The following CCDC38 variants were observed in gnomAD, a reference collection of about 807,000 sequenced individuals.
CCDC38 encodes coiled-coil domain containing 38.
Under a neutral mutation model 72.8 loss-of-function variants are expected in CCDC38, and 69 were observed. That is an observed-to-expected ratio of 0.95 (90% CI 0.78 to 1.16). CCDC38 has a LOEUF of 1.16. CCDC38 is among the 50% of genes most tolerant of loss of function. CCDC38 has a pLI of 0.00. For missense variants in CCDC38, 626 were observed against 638.9 expected (o/e 0.98, Z 0.22); for synonymous variants, 201 against 213.2 (o/e 0.94, Z 0.50).
chr12:95,934,525 G>C (rs1013870980), intron 2 of CCDC38: 12 of 151,932 alleles, frequency 7.9e-5, no homozygotes, highest in Admixed American at 7.9e-4. Flanking sequence ...TTATGAGTTT[G>C]CAAGTAGAGG....
chr12:95,916,340 C>G (rs1318541718), intron 4 of CCDC38, among the ~76,000 whole-genome samples: 7 of 150,446 alleles, frequency 4.7e-5, no homozygotes, highest in Non-Finnish European at 1.0e-4. Context: ...AGTGCATGGG[C>G]TTTGGGATCC....
chr12:95,881,297 T>G lies in CCDC38; in HGVS notation c.990+188A>C, dbSNP rs549261893. Among the ~76,000 whole-genome samples, 4 of 150,058 alleles carry G rather than the reference T, an allele frequency of 2.7e-5. No homozygotes were observed. The South Asian group carries it at 8.4e-4, about 31-fold the overall frequency. On this transcript the variant is annotated intron_variant, in intron 11 of 15. Coordinates refer to ENST00000344280, the MANE Select transcript of CCDC38 (RefSeq NM_182496.3). ...ATCATTACCTTCTTCTAGATACTTA[T>G]TTGTTATAAAATGTCTTATGACAAA...
In CCDC38 at chr12:95,917,220, G is replaced by A. The variant is rs1184419589; in HGVS notation, c.213C>T (p.Tyr71=). 1 of 1,610,318 alleles carries A rather than the reference G, an allele frequency of 6.2e-7. No homozygotes were observed. Among genetic ancestry groups the A allele is most frequent in the East Asian group, 2.2e-5 (1 of 44,550 alleles). The change falls in exon 4 of 16, where the codon TAC becomes TAT. Residue 71 remains tyrosine (Y), a synonymous_variant. Coordinates refer to ENST00000344280, the MANE Select transcript of CCDC38 (RefSeq NM_182496.3). ...TFSSRMKSHS[Y]LSQLAFYPKR... is the part of the protein sequence containing the mutation. The stretch of plus-strand genomic sequence containing the variant: ...TAGGGTAGAAAGCTAGTTGGCTCAG[G>A]TATGAATGACTCTTCATTCTGGATG...
chr12:95,929,395 G>A (rs547586129), intron 2 of CCDC38, among the ~76,000 whole-genome samples: 11 of 152,080 alleles, frequency 7.2e-5, no homozygotes, highest in South Asian at 6.2e-4. Context: ...GCCCTGCTTC[G>A]GCTCATGCAC....
At chr12:95,887,863 T>G (rs2079777750) in intron 10 of CCDC38, among the ~76,000 whole-genome samples, 2 of 152,096 alleles carry the variant, frequency 1.3e-5, no homozygotes, top group African/African-American at 4.8e-5. Context: ...GCCACAGAAG[T>G]GGGTGTCTAG....
chr12:95,923,698 C>T lies in CCDC38; in HGVS notation c.38-4722G>A, dbSNP rs377150094. On this transcript the variant is annotated intron_variant, in intron 2 of 15. Transcript: ENST00000344280. The stretch of plus-strand genomic sequence containing the variant: ...CCAATGCTATCCCTCCCCACTCCCC[C>T]CACTCCACAACAGTCCCCAGAGTGT... Among the ~76,000 whole-genome samples, 70 of 152,152 alleles carry T rather than the reference C, an allele frequency of 4.6e-4. 1 individual carries two copies. The South Asian group carries it at 0.012, about 27-fold the overall frequency.
chr12:95,920,475 C>G (rs139382184), intron 2 of CCDC38, among the ~76,000 whole-genome samples: 2 of 152,052 alleles, frequency 1.3e-5, no homozygotes. Flanking sequence ...AACTGATTAA[C>G]GATAAACAAA....
intron 1 of CCDC38, among the ~76,000 whole-genome samples, chr12:95,939,015 G>A (rs2080421958): frequency 6.6e-6 from 1 of 152,200 alleles, no homozygotes; most frequent in African/African-American, 2.4e-5. Flanking sequence ...TAAGCTAAAT[G>A]ATTAAGAACA....
chr12:95,900,935 T>C (rs747653987), intron 5 of CCDC38, among the ~76,000 whole-genome samples: 1 of 152,142 alleles, frequency 6.6e-6, no homozygotes, highest in African/African-American at 2.4e-5. Flanking sequence ...GAAAGAGTGA[T>C]AGGAGTGAGG....
intron 11 of CCDC38, among the ~76,000 whole-genome samples, chr12:95,880,668 G>C (rs2079690295): frequency 6.6e-6 from 1 of 150,878 alleles, no homozygotes. Flanking sequence ...AAAAAAAAAG[G>C]AAACAAATCC....
chr12:95,927,565 A>T (rs1258321160), intron 2 of CCDC38, among the ~76,000 whole-genome samples: 2 of 152,068 alleles, frequency 1.3e-5, no homozygotes, highest in Admixed American at 6.6e-5. Context: ...TTATGTGTGA[A>T]TTTGATCCTG....
In CCDC38 at chr12:95,934,983, G is replaced by GGGTGACAGAGAAGCTGTCT. The variant is rs573140394; in HGVS notation, c.37+1471_37+1489dup. On this transcript the variant is annotated intron_variant, in intron 2 of 15. Transcript: ENST00000344280. ...AGATGGTGCCACTGCACTTCAGCTT[G>GGGTGACAGAGAAGCTGTCT]GGTGACAGAGAAGCTGTCTGTCTAG... The GGGTGACAGAGAAGCTGTCT allele has an allele frequency of 2.0e-5, 3 of 152,280 alleles. No individual in the cohort carries two copies. The South Asian group carries it at 6.2e-4, about 32-fold the overall frequency. The allele number at this position is 152,280 out of a possible 1,614,324, so 9.4% of individuals were successfully genotyped here. A position where few individuals can be genotyped will look rare whatever the true frequency, so the allele number is the denominator to read the frequency against.
chr12:95,909,601 AAG>A (rs1342187634), intron 4 of CCDC38, among the ~76,000 whole-genome samples: 1 of 152,176 alleles, frequency 6.6e-6, no homozygotes, highest in African/African-American at 2.4e-5. Flanking sequence ...CACAACAAAA[AAG>A]AAAACTACAG....
intron 8 of CCDC38, among the ~76,000 whole-genome samples, chr12:95,891,314 A>G (rs2079824330): frequency 6.6e-6 from 1 of 152,110 alleles, no homozygotes; most frequent in South Asian, 2.1e-4. Context: ...AACATTCTCT[A>G]TTTGGATCAT....
At chr12:95,903,821 C>T (rs781553115) in intron 5 of CCDC38, 43 of 191,528 alleles carry the variant, frequency 2.2e-4, no homozygotes, top group Non-Finnish European at 2.8e-4. Flanking sequence ...TATTTGCTTA[C>T]GAGAGATCTT....
In CCDC38 at chr12:95,872,240, C is replaced by A. The variant is rs1213172295; in HGVS notation, c.1484+15G>T. 6.2e-7 allele frequency: 1 copy of A among 1,610,790 alleles called. No individual in the cohort carries two copies. Among genetic ancestry groups the A allele is most frequent in the Non-Finnish European group, 8.5e-7 (1 of 1,176,990 alleles). On this transcript the variant is annotated intron_variant, in intron 14 of 15. Transcript: ENST00000344280. The stretch of plus-strand genomic sequence containing the variant: ...CAGCTACTCATTAAGTCATTCTTAT[C>A]CTTATTGACTGTACTTTTGCCGCCA...
intron 14 of CCDC38, among the ~76,000 whole-genome samples, chr12:95,870,710 T>C (rs551179180): frequency 5.3e-5 from 8 of 152,234 alleles, no homozygotes; most frequent in Non-Finnish European, 1.0e-4. Context: ...TTATAGTTTT[T>C]TTTAAAGCTT....
Position 95,917,109 on chromosome 12 carries a change from AAAGAGTAATTTAGACTCACCT to A in CCDC38, c.303_304+19del, listed in dbSNP as rs2136718090. On this transcript the variant is annotated splice_donor_variant and splice_donor_5th_base_variant and coding_sequence_variant and intron_variant, in exon 4 of 16. Transcript: ENST00000344280. LOFTEE classifies it high-confidence loss of function. ...AGTAAATATTCAAAATGATGTTCTT[AAAGAGTAATTTAGACTCACCT>A]TCTATTAATCTAGGAATCGGAGCAG... The A allele has an allele frequency of 1.3e-6, 2 of 1,556,056 alleles. No homozygotes were observed. Among genetic ancestry groups the A allele is most frequent in the East Asian group, 4.6e-5 (2 of 43,142 alleles).
intron 2 of CCDC38, 96 bp from the exon 3 acceptor site, chr12:95,919,072 G>C (rs2080176195): frequency 2.7e-6 from 2 of 750,802 alleles, no homozygotes; most frequent in Non-Finnish European, 4.6e-6. Flanking sequence ...GAATGAATGG[G>C]ATGCAGGGAT....
Sources: allele counts gnomAD v4.1 joint callset (sites outside exome capture counted in the v4.1 genomes callset), GRCh38; gene constraint gnomAD v4.1.1; transcripts MANE v1.5; gene names NCBI Gene and HGNC (gene_info 2026-07-23, HGNC 2026-07-21).